The following RNF152 variants were observed in gnomAD, a reference collection of about 807,000 sequenced individuals.
RNF152 encodes E3 ubiquitin-protein ligase RNF152.
A neutral mutation model predicts 12.7 loss-of-function variants in RNF152; 11 were observed. The ratio of observed to expected loss-of-function variants is 0.86; its 90% CI spans 0.54 to 1.43. RNF152 has a LOEUF of 1.43. RNF152 is among the 40% of genes most tolerant of loss of function. The pLI is 0.00. For synonymous variants in RNF152, 113 were observed against 120.3 expected (o/e 0.94, Z 0.40); for missense variants, 255 against 274.8 (o/e 0.93, Z 0.51).
chr18:61,843,320 T>C (rs1287397208), intron 1 of RNF152, among the ~76,000 whole-genome samples: 1 of 152,236 alleles, frequency 6.6e-6, no homozygotes, highest in African/African-American at 2.4e-5. Flanking sequence ...AAATTAGATA[T>C]TAACATCCTT....
intron 1 of RNF152, among the ~76,000 whole-genome samples, chr18:61,855,174 G>A (rs947707345): frequency 6.6e-6 from 1 of 152,244 alleles, no homozygotes; most frequent in African/African-American, 2.4e-5. Flanking sequence ...ATCTAAGAAA[G>A]AGTCAATTGT....
At chr18:61,892,179 A>T (rs1290473331) in intron 1 of RNF152, among the ~76,000 whole-genome samples, 3 of 152,218 alleles carry the variant, frequency 2.0e-5, no homozygotes, top group East Asian at 3.8e-4. Context: ...CTACTGGTTC[A>T]TGGCTATCTA....
chr18:61,860,485 G>A (rs751237342), intron 1 of RNF152, among the ~76,000 whole-genome samples: 2 of 152,236 alleles, frequency 1.3e-5, no homozygotes, highest in Non-Finnish European at 2.9e-5. Context: ...GAGCATTGTT[G>A]CACTGCAACG....
At chr18:61,889,478 T>C (rs1885227990) in intron 1 of RNF152, among the ~76,000 whole-genome samples, 1 of 152,184 alleles carries the variant, frequency 6.6e-6, no homozygotes, top group Non-Finnish European at 1.5e-5. Context: ...AACTGCTGAA[T>C]CCAGAGCACC....
At chr18:61,876,954 C>A (rs529774034) in intron 1 of RNF152, among the ~76,000 whole-genome samples, 3 of 152,200 alleles carry the variant, frequency 2.0e-5, no homozygotes, top group Non-Finnish European at 4.4e-5. Flanking sequence ...ACCATTGTAT[C>A]CTCAAGCCAG....
At chr18:61,838,346 G>T (rs1220378844) in intron 1 of RNF152, among the ~76,000 whole-genome samples, 2 of 152,192 alleles carry the variant, frequency 1.3e-5, no homozygotes, top group Non-Finnish European at 2.9e-5. Flanking sequence ...GCTTTGGTGT[G>T]TTCAAGGGAC....
intron 1 of RNF152, among the ~76,000 whole-genome samples, chr18:61,879,863 G>A (rs192227187): frequency 6.6e-6 from 1 of 151,890 alleles, no homozygotes; most frequent in South Asian, 2.1e-4. Context: ...TACTCAGGAG[G>A]CTGAGGCAGG....
At chr18:61,872,214 T>C (rs1451850357) in intron 1 of RNF152, among the ~76,000 whole-genome samples, 1 of 152,108 alleles carries the variant, frequency 6.6e-6, no homozygotes, top group Non-Finnish European at 1.5e-5. Context: ...ACCAAAAGGA[T>C]AGTGCTAAAC....
At position 61,815,742 on chromosome 18, in the gene RNF152, C is replaced by T. The variant is rs1037417907; in HGVS notation, c.*110G>A. The T allele has an allele frequency of 1.4e-4, 175 of 1,266,466 alleles. No individual in the cohort carries two copies. Among genetic ancestry groups the T allele is most frequent in the Non-Finnish European group, 1.8e-4 (160 of 897,392 alleles). 78.5% of individuals were successfully genotyped at this position (1,266,466 alleles called of 1,614,324 possible). On this transcript the variant is annotated 3_prime_UTR_variant, in exon 2 of 2. Transcript: ENST00000312828. ...AATCAAGAGGCAACCCAGAGGCCAG[C>T]GCTCAGCACCAAATGGTCAGTGTTG...
At chr18:61,859,139 G>T (rs942761093) in intron 1 of RNF152, among the ~76,000 whole-genome samples, 11 of 152,138 alleles carry the variant, frequency 7.2e-5, no homozygotes, top group African/African-American at 2.2e-4. Flanking sequence ...CTATGCACTT[G>T]TTCCACCTCG....
At chr18:61,873,635 C>T (rs1387431139) in intron 1 of RNF152, among the ~76,000 whole-genome samples, 1 of 152,190 alleles carries the variant, frequency 6.6e-6, no homozygotes, top group Non-Finnish European at 1.5e-5. Flanking sequence ...CGCCCAGCCT[C>T]AGTCTCCATT....
chr18:61,879,239 C>A (rs553031598), intron 1 of RNF152, among the ~76,000 whole-genome samples: 1 of 152,312 alleles, frequency 6.6e-6, no homozygotes, highest in African/African-American at 2.4e-5. Context: ...TACAGTATAA[C>A]AACAACTTAC....
At chr18:61,885,307 G>GTCTTT in intron 1 of RNF152, among the ~76,000 whole-genome samples, 1 of 97,650 alleles carries the variant, frequency 1.0e-5, no homozygotes, top group Non-Finnish European at 2.1e-5. Context: ...CAAACTGAGA[G>GTCTTT]TGTTTTGTTT....
intron 1 of RNF152, among the ~76,000 whole-genome samples, chr18:61,883,810 C>T (rs1017996474): frequency 6.6e-6 from 1 of 152,162 alleles, no homozygotes; most frequent in Non-Finnish European, 1.5e-5. Flanking sequence ...AGCTCAGAAC[C>T]CTTTCTCAGA....
rs553089390 is a variant in RNF152 at position 61,815,187 on chromosome 18, G to C, written c.*665C>G. 6.6e-6 allele frequency: 1 copy of C among 152,574 alleles called. No individual in the cohort carries two copies. The allele number at this position is 152,574 out of a possible 1,614,324, so 9.5% of individuals were successfully genotyped here. A position where few individuals can be genotyped will look rare whatever the true frequency, so the allele number is the denominator to read the frequency against. ...TTATTGCTCCCCTGTTGAGCTTTCAGTTCCATAAACACGTAGCAAGCTCTA... is the reference window on the plus strand; with the variant it reads ...TTATTGCTCCCCTGTTGAGCTTTCACTTCCATAAACACGTAGCAAGCTCTA... On this transcript the variant is annotated 3_prime_UTR_variant, in exon 2 of 2. Transcript: ENST00000312828.
In RNF152 at chr18:61,829,023, C is replaced by A. The variant is rs1361794620; in HGVS notation, c.-135-12425G>T. The stretch of plus-strand genomic sequence containing the variant: ...GTCAAGGGTGAGGACTCAGCAGACA[C>A]AAAGGCACAGAGACCAAGACGAGGG... On this transcript the variant is annotated intron_variant, in intron 1 of 1. Transcript: ENST00000312828. Among the ~76,000 whole-genome samples the A allele has an allele frequency of 2.0e-5, 3 of 152,166 alleles. No individual in the cohort carries two copies. The East Asian group carries it at 5.8e-4, about 29-fold the overall frequency.
intron 1 of RNF152, among the ~76,000 whole-genome samples, chr18:61,820,099 G>A (rs1239577574): frequency 6.6e-6 from 1 of 150,920 alleles, no homozygotes; most frequent in Non-Finnish European, 1.5e-5. Context: ...GGAGGCTGAG[G>A]CAGGCGGATC....
At chr18:61,824,379 G>C (rs1909562309) in intron 1 of RNF152, among the ~76,000 whole-genome samples, 1 of 152,214 alleles carries the variant, frequency 6.6e-6, no homozygotes, top group Admixed American at 6.5e-5. Flanking sequence ...AAACACTGCT[G>C]GGTTTCCAAC....
intron 1 of RNF152, among the ~76,000 whole-genome samples, chr18:61,819,885 G>A (rs2144621565): frequency 6.6e-6 from 1 of 152,010 alleles, no homozygotes; most frequent in Non-Finnish European, 1.5e-5. Context: ...GCTGGGTGTG[G>A]TGGTGGACAC....
Sources: gnomAD v4.1 joint callset for allele counts (sites outside exome capture counted in the v4.1 genomes callset) on GRCh38, gnomAD v4.1.1 for gene constraint, MANE v1.5 for transcripts, NCBI Gene and HGNC (gene_info 2026-07-23, HGNC 2026-07-21) for gene names.